KIAA0319: variants seen among roughly 807,000 people sequenced by gnomAD.
KIAA0319 encodes the protein KIAA0319.
In KIAA0319, 83 loss-of-function variants were observed where a neutral mutation model predicts 108.4. That is an observed-to-expected ratio of 0.77 (90% CI 0.64 to 0.92). The LOEUF (loss-of-function observed/expected upper bound fraction) is 0.92, where lower values mean the gene tolerates loss of function less well. Among genes scored for constraint, KIAA0319 ranks in the 40% least tolerant of loss-of-function variants. The probability of loss-of-function intolerance (pLI) is 0.00; values close to 1 mark genes in which losing one functional copy is unlikely to be tolerated. For missense variants in KIAA0319, 1,195 were observed against 1,322.4 expected (o/e 0.90, Z 1.49); for synonymous variants, 484 against 510.4 (o/e 0.95, Z 0.70).
intron 1 of KIAA0319, among the ~76,000 whole-genome samples, chr6:24,603,667 G>A (rs1312652213): frequency 1.3e-5 from 2 of 152,112 alleles, no homozygotes; most frequent in African/African-American, 4.8e-5. Flanking sequence ...AAAAAGAGAG[G>A]GAAACACCCC....
intron 1 of KIAA0319, among the ~76,000 whole-genome samples, chr6:24,629,044 C>G (rs1488942051): frequency 6.6e-6 from 1 of 152,166 alleles, no homozygotes; most frequent in Non-Finnish European, 1.5e-5. Flanking sequence ...AGAAAAGCTT[C>G]CTGAAATTTG....
At chr6:24,567,534 C>T (rs1452642975) in intron 13 of KIAA0319, among the ~76,000 whole-genome samples, 1 of 151,916 alleles carries the variant, frequency 6.6e-6, no homozygotes, top group African/African-American at 2.4e-5. Context: ...CGTCTCCACA[C>T]ACACACAAAA....
At chr6:24,589,126 G>T (rs1483842331) in intron 3 of KIAA0319, among the ~76,000 whole-genome samples, 2 of 152,150 alleles carry the variant, frequency 1.3e-5, no homozygotes, top group Non-Finnish European at 2.9e-5. Flanking sequence ...AAATTCATTT[G>T]TTGAAATCCT....
At position 24,582,281 on chromosome 6, in the gene KIAA0319, G is replaced by A; in HGVS notation, c.1159C>T (p.Gln387Ter). The A allele has an allele frequency of 1.2e-6, 2 of 1,610,616 alleles. No individual in the cohort carries two copies. The highest frequency in any genetic ancestry group is 1.7e-6 in the Non-Finnish European group (2 of 1,177,068). Residue 387 changes from glutamine to a stop codon, truncating the protein, a stop_gained, in exon 6 of 21, where the codon CAA becomes TAA. Transcript: ENST00000378214. LOFTEE classifies it high-confidence loss of function. ...AGGTTAAGAGTTTGCTTGTGTCCTTGTTTTATTTCACCTTGGTAGTCTGTG... is the reference window on the plus strand; with the variant it reads ...AGGTTAAGAGTTTGCTTGTGTCCTTATTTTATTTCACCTTGGTAGTCTGTG... ...HPTDYQGEIKQGHKQTLNLSQ... is the reference protein window; with the variant it reads ...HPTDYQGEIK
intron 16 of KIAA0319, among the ~76,000 whole-genome samples, chr6:24,562,498 T>C (rs190990743): frequency 6.6e-6 from 1 of 152,294 alleles, no homozygotes; most frequent in African/African-American, 2.4e-5. Flanking sequence ...CATTCCCATA[T>C]TCTTTTTCTC....
Position 24,578,597 on chromosome 6 carries a change from G to T in KIAA0319, c.1373-355C>A, listed in dbSNP as rs372377141. On this transcript the variant is annotated intron_variant, in intron 8 of 20. Transcript: ENST00000378214. ...ACAGCATACTGATCATTTTAAATAG[G>T]CACCTGAGCTGACAGGTTCAAAAAG... 2.4e-4 allele frequency among the ~76,000 whole-genome samples: 36 copies of T among 152,288 alleles called. No homozygotes were observed. The East Asian group carries it at 6.7e-3, about 29-fold the overall frequency.
At chr6:24,634,159 G>A (rs139736219) in intron 1 of KIAA0319, among the ~76,000 whole-genome samples, 20 of 152,260 alleles carry the variant, frequency 1.3e-4, no homozygotes, top group African/African-American at 4.6e-4. Flanking sequence ...GACTGAAAGC[G>A]CTAAATGTTA....
chr6:24,579,808 G>A (rs17311358), intron 8 of KIAA0319, 50 bp downstream of exon 8: 56,902 of 1,428,386 alleles, frequency 0.04, 1,564 homozygotes, highest in Non-Finnish European at 0.04. Context: ...ATTACATTTC[G>A]TAGCACGTAG....
chr6:24,605,841 C>A (rs7743602), intron 1 of KIAA0319, among the ~76,000 whole-genome samples: 18,460 of 152,020 alleles, frequency 0.12, 2,325 homozygotes, highest in East Asian at 0.45. Flanking sequence ...TAATAAAATA[C>A]ACTTATAGAT....
In KIAA0319 at chr6:24,563,466, C is replaced by T; in HGVS notation, c.2484G>A (p.Gln828=). The change falls in exon 16 of 21, where the codon CAG becomes CAA. Residue 828 remains glutamine, a synonymous_variant. Transcript: ENST00000378214. Reference sequence around the variant, plus strand: ...GGGTGTCCTTCCGCTGCTCTGTCAGCTGCCCAACACCAACCTGCAGGGTCA... The same window carrying T: ...GGGTGTCCTTCCGCTGCTCTGTCAGTTGCCCAACACCAACCTGCAGGGTCA... The part of the protein sequence containing the change: ...VELTLQVGVG[Q]LTEQRKDTLV... The T allele has an allele frequency of 6.2e-7, 1 of 1,613,412 alleles. No individual in the cohort carries two copies.
At chr6:24,623,970 T>C (rs1774328698) in intron 1 of KIAA0319, among the ~76,000 whole-genome samples, 1 of 150,768 alleles carries the variant, frequency 6.6e-6, no homozygotes, top group African/African-American at 2.4e-5. Flanking sequence ...TACAATATAA[T>C]ACATCTTTAA....
In KIAA0319 at chr6:24,554,559, C is replaced by T. The variant is rs760041574; in HGVS notation, c.2930G>A (p.Cys977Tyr). 2 of 1,613,678 alleles carry T rather than the reference C, an allele frequency of 1.2e-6. No individual in the cohort carries two copies. Among genetic ancestry groups the T allele is most frequent in the South Asian group, 1.1e-5 (1 of 91,070 alleles). ...IVLTGGFTWL[C>Y]ICCCKRQKRT... is the part of the protein sequence containing the mutation. ...TAGGTACCTTTTGCAGCAGCAGATG[C>T]AAAGCCAAGTGAAACCTCCTGTTAG... Residue 977 changes from cysteine (C) to tyrosine (Y), a missense_variant, in exon 19 of 21, where the codon TGC (cysteine) becomes TAC (tyrosine). Physicochemically the swap from Cys to Tyr is radical, Grantham distance 194. Coordinates refer to ENST00000378214, the MANE Select transcript of KIAA0319 (RefSeq NM_014809.4).
rs930280435 is a variant in KIAA0319, at chr6:24,544,276, G to A, written c.*2889C>T. The A allele has an allele frequency of 1.3e-5, 2 of 152,146 alleles. No individual in the cohort carries two copies. Among genetic ancestry groups the A allele is most frequent in the African/African-American group, 4.8e-5 (2 of 41,412 alleles). 9.4% of individuals were successfully genotyped at this position (152,146 alleles called of 1,614,324 possible). A position where few individuals can be genotyped will look rare whatever the true frequency, so the allele number is the denominator to read the frequency against. On this transcript the variant is annotated 3_prime_UTR_variant, in exon 21 of 21. Coordinates refer to ENST00000378214, the MANE Select transcript of KIAA0319 (RefSeq NM_014809.4). ...CCACAGTTTGCTGACCTATACTCAA[G>A]GGAAATCCCTCTACCCTGAAGCATA...
chr6:24,599,624 C>T lies in KIAA0319; in HGVS notation c.55+1425G>A. On this transcript the variant is annotated intron_variant, in intron 2 of 20. Transcript: ENST00000378214. This position sits in a 1 kb window ranked among gnomAD's most constrained non-coding sequence, Gnocchi z 4.1. Reference sequence around the variant, plus strand: ...CCAGTGGCTACTCAGGTGAGCTGAGCTCAGCCTATGGGGGCCTCAGCTACA... The same window carrying T: ...CCAGTGGCTACTCAGGTGAGCTGAGTTCAGCCTATGGGGGCCTCAGCTACA... 2 of 626,404 alleles carry T rather than the reference C, an allele frequency of 3.2e-6. No individual in the cohort carries two copies. Among genetic ancestry groups the T allele is most frequent in the Middle Eastern group, 4.8e-4 (1 of 2,074 alleles). The allele number at this position is 626,404 out of a possible 1,614,324, so 38.8% of individuals were successfully genotyped here. A position where few individuals can be genotyped will look rare whatever the true frequency, so the allele number is the denominator to read the frequency against.
intron 9 of KIAA0319, 139 bp from the exon 10 acceptor site, chr6:24,576,735 T>C (rs1390645052): frequency 1.2e-5 from 8 of 681,606 alleles, no homozygotes; most frequent in South Asian, 7.1e-5. Flanking sequence ...AGCTGGGCCA[T>C]AGAAGGAGAC....
intron 3 of KIAA0319, among the ~76,000 whole-genome samples, chr6:24,589,235 G>C (rs1483298248): frequency 1.3e-5 from 2 of 152,160 alleles, no homozygotes; most frequent in Admixed American, 6.5e-5. Context: ...CTTATAAGTA[G>C]AGGAGAAAGA....
intron 1 of KIAA0319, among the ~76,000 whole-genome samples, chr6:24,622,962 C>T (rs996093286): frequency 1.1e-4 from 17 of 152,082 alleles, no homozygotes; most frequent in Middle Eastern, 3.4e-3. Context: ...TTACTTGAAC[C>T]CAGGAGATGG....
chr6:24,618,781 G>T (rs78158153), intron 1 of KIAA0319, among the ~76,000 whole-genome samples: 1 of 151,212 alleles, frequency 6.6e-6, no homozygotes, highest in African/African-American at 2.4e-5. Context: ...AAAAAAAAAA[G>T]TAGTAGCAAG....
rs914281900 is a variant in KIAA0319, at chr6:24,576,473, T to C, written c.1629A>G (p.Gln543=). Reference sequence around the variant, plus strand: ...GGTTTCCATTCAAAGTGATGGAGTTTTGGGGCAAAGTTATGGTGTGATTTG... The same window carrying C: ...GGTTTCCATTCAAAGTGATGGAGTTCTGGGGCAAAGTTATGGTGTGATTTG... ...AGPNHTITLP[Q]NSITLNGNQS... Residue 543 remains glutamine (Q), a synonymous_variant, in exon 10 of 21, where the codon CAA becomes CAG. Transcript: ENST00000378214. The C allele has an allele frequency of 6.2e-7, 1 of 1,614,026 alleles. No homozygotes were observed. The highest frequency in any genetic ancestry group is 1.3e-5 in the African/African-American group (1 of 74,894).
Sources: gnomAD v4.1 joint callset for allele counts (sites outside exome capture counted in the v4.1 genomes callset) on GRCh38, gnomAD v4.1.1 for gene constraint, Gnocchi (gnomAD v3.1) non-coding constraint, MANE v1.5 for transcripts, NCBI Gene and HGNC (gene_info 2026-07-23, HGNC 2026-07-21) for gene names.